Variants in ANKS1B observed in about 807,000 individuals in gnomAD.
The protein encoded by ANKS1B is ankyrin repeat and sterile alpha motif domain-containing protein 1B.
In ANKS1B, 36 loss-of-function variants were observed where a neutral mutation model predicts 148.3. The observed-to-expected ratio is 0.24, with a 90% CI of 0.19 to 0.32. The LOEUF (loss-of-function observed/expected upper bound fraction) is 0.32, where lower values mean the gene tolerates loss of function less well. ANKS1B is among the 10% of genes least tolerant of loss of function. ANKS1B has a pLI of 1.00. For synonymous variants in ANKS1B, 542 were observed against 560.8 expected, an observed-to-expected ratio of 0.97 and a Z score of 0.47; for missense variants, 1,157 against 1,542.6, an observed-to-expected ratio of 0.75 and a Z score of 4.19.
intron 12 of ANKS1B, among the ~76,000 whole-genome samples, chr12:99,252,715 G>A (rs2074765632): frequency 6.6e-6 from 1 of 152,150 alleles, no homozygotes; most frequent in African/African-American, 2.4e-5. Context: ...GCAGGAGTGT[G>A]CAGTAAAATT....
At chr12:99,943,255 G>A (rs1027197521) in intron 1 of ANKS1B, among the ~76,000 whole-genome samples, 5 of 152,080 alleles carry the variant, frequency 3.3e-5, no homozygotes, top group African/African-American at 9.7e-5. Flanking sequence ...CATTTAAGCC[G>A]AGCTTTTTGA....
At chr12:98,940,530 T>C (rs1482021744) in intron 17 of ANKS1B, among the ~76,000 whole-genome samples, 1 of 152,202 alleles carries the variant, frequency 6.6e-6, no homozygotes, top group Non-Finnish European at 1.5e-5. Context: ...GGGCTTTTTG[T>C]AGCTTCCTGT....
intron 8 of ANKS1B, among the ~76,000 whole-genome samples, chr12:99,706,856 C>T (rs1167678138): frequency 6.6e-6 from 1 of 152,052 alleles, no homozygotes; most frequent in Non-Finnish European, 1.5e-5. Flanking sequence ...AACTGGGGTC[C>T]TCCATTGACA....
chr12:99,187,737 C>T (rs1335236536), intron 14 of ANKS1B, among the ~76,000 whole-genome samples: 1 of 152,174 alleles, frequency 6.6e-6, no homozygotes, highest in Non-Finnish European at 1.5e-5. Flanking sequence ...ACTGCAAAAA[C>T]ATACCAAATT....
chr12:99,783,017 C>G (rs1483285890), intron 4 of ANKS1B, among the ~76,000 whole-genome samples: 1 of 151,976 alleles, frequency 6.6e-6, no homozygotes, highest in Non-Finnish European at 1.5e-5. Flanking sequence ...GGTGAAACCC[C>G]ATCTCTACTA....
At chr12:99,232,317 A>G (rs2087005405) in intron 14 of ANKS1B, among the ~76,000 whole-genome samples, 1 of 152,248 alleles carries the variant, frequency 6.6e-6, no homozygotes, top group Admixed American at 6.5e-5. Context: ...CCTTAAAAAT[A>G]CATTTTAACT....
chr12:99,805,460 CA>C (rs2067518688), intron 4 of ANKS1B, among the ~76,000 whole-genome samples: 1 of 151,268 alleles, frequency 6.6e-6, no homozygotes, highest in Non-Finnish European at 1.5e-5. Flanking sequence ...CTCATCTCTA[CA>C]AAAAATACAA....
At chr12:99,735,582 C>T (rs185636959) in intron 8 of ANKS1B, among the ~76,000 whole-genome samples, 27 of 152,020 alleles carry the variant, frequency 1.8e-4, no homozygotes, top group African/African-American at 6.0e-4. Context: ...AAAACCTGAA[C>T]AGACCAATAA....
At chr12:99,169,617 G>A (rs773897579) in intron 14 of ANKS1B, among the ~76,000 whole-genome samples, 15 of 152,116 alleles carry the variant, frequency 9.9e-5, no homozygotes, top group Non-Finnish European at 2.1e-4. Flanking sequence ...TATGGGTCTG[G>A]CCTTTTATAT....
At position 98,751,337 on chromosome 12, in the gene ANKS1B, T is replaced by C; in HGVS notation, c.3747+18A>G. On this transcript the variant is annotated intron_variant, in intron 26 of 26. Transcript: ENST00000683438. The surrounding 1 kb of genome is among the most constrained non-coding windows in gnomAD (Gnocchi z 4.3). ...CCTGTTCAAGGTTTTTTAGAACATC[T>C]GTATCGTTTCTACTTACCACGGACT... 1 of 1,612,394 alleles carries C rather than the reference T, an allele frequency of 6.2e-7. No homozygotes were observed. The highest frequency in any genetic ancestry group is 8.5e-7 in the Non-Finnish European group (1 of 1,179,388).
intron 16 of ANKS1B, among the ~76,000 whole-genome samples, chr12:99,059,973 G>A (rs1406950942): frequency 3.3e-5 from 5 of 151,910 alleles, no homozygotes; most frequent in South Asian, 2.1e-4. Context: ...CAGCTCCATC[G>A]GCCTGCCAGG....
At chr12:99,114,345 T>C (rs1324119281) in intron 15 of ANKS1B, among the ~76,000 whole-genome samples, 2 of 152,222 alleles carry the variant, frequency 1.3e-5, no homozygotes, top group East Asian at 3.8e-4. Context: ...TCATGATGCT[T>C]TTCTTCTGCA....
chr12:98,938,371 C>G (rs941887861), intron 17 of ANKS1B, among the ~76,000 whole-genome samples: 4 of 152,084 alleles, frequency 2.6e-5, no homozygotes, highest in Non-Finnish European at 4.4e-5. Context: ...GGTTTTCAAC[C>G]CCGGGAGCTT....
chr12:99,108,766 T>C lies in ANKS1B; in HGVS notation c.2527-23743A>G, dbSNP rs962726171. ...GGATACAGAGATAATTGTAAAGGTG[T>C]TTGACAGAAAAAGGGAAAAGGAGAA... is the stretch of plus-strand genomic sequence containing the variant. On this transcript the variant is annotated intron_variant, in intron 15 of 26. Transcript: ENST00000683438. Among the ~76,000 whole-genome samples the C allele has an allele frequency of 7.9e-5, 12 of 152,022 alleles. No individual in the cohort carries two copies. In the East Asian group the frequency reaches 2.3e-3, roughly 29 times the overall value.
At chr12:99,776,799 C>T (rs760073285) in intron 6 of ANKS1B, among the ~76,000 whole-genome samples, 14 of 152,136 alleles carry the variant, frequency 9.2e-5, no homozygotes, top group Non-Finnish European at 1.9e-4. Context: ...CCTGCCTCAG[C>T]CCCCCAAGCT....
chr12:98,797,452 T>A lies in ANKS1B; in HGVS notation c.3342+1482A>T, dbSNP rs192762962. On this transcript the variant is annotated intron_variant, in intron 22 of 26. Transcript: ENST00000683438. ...ACTAGGGGACACTGTAAAGACTCAG[T>A]AAATGTTAGCAGCTATCATATTATT... 1.1e-4 allele frequency among the ~76,000 whole-genome samples: 17 copies of A among 152,282 alleles called. No homozygotes were observed. In the East Asian group the frequency reaches 3.1e-3, roughly 28 times the overall value.
At chr12:98,803,958 C>T (rs2099028190) in intron 20 of ANKS1B, among the ~76,000 whole-genome samples, 1 of 152,190 alleles carries the variant, frequency 6.6e-6, no homozygotes, top group Non-Finnish European at 1.5e-5. Flanking sequence ...CCAGCACATA[C>T]ATTCCAATCT....
At chr12:99,555,503 C>A (rs1358823477) in intron 9 of ANKS1B, among the ~76,000 whole-genome samples, 1 of 152,112 alleles carries the variant, frequency 6.6e-6, no homozygotes, top group African/African-American at 2.4e-5. Flanking sequence ...GACTGGGCAT[C>A]CTTGTCTTGT....
At chr12:99,535,711 C>A (rs2097058927) in intron 9 of ANKS1B, among the ~76,000 whole-genome samples, 1 of 152,052 alleles carries the variant, frequency 6.6e-6, no homozygotes, top group African/African-American at 2.4e-5. Context: ...TCAAGTTCTT[C>A]ACCTATTTTA....
Sources: allele counts gnomAD v4.1 joint callset (sites outside exome capture counted in the v4.1 genomes callset), GRCh38; gene constraint gnomAD v4.1.1; non-coding constraint Gnocchi (gnomAD v3.1); transcripts MANE v1.5; gene names NCBI Gene and HGNC (gene_info 2026-07-23, HGNC 2026-07-21).